DRC3: variants seen among roughly 807,000 people sequenced by gnomAD.
The protein encoded by DRC3 is leucine rich repeat containing 48.
In DRC3, 45 loss-of-function variants were observed where a neutral mutation model predicts 57.6. The observed-to-expected ratio is 0.78, with a 90% confidence interval of 0.62 to 1.00. The LOEUF (loss-of-function observed/expected upper bound fraction) is 1.00, where lower values mean the gene tolerates loss of function less well. Ranked by LOEUF, DRC3 falls within the 50% of genes least tolerant of loss-of-function variation. The probability of loss-of-function intolerance (pLI) is 0.00; values close to 1 mark genes in which losing one functional copy is unlikely to be tolerated. For synonymous variants in DRC3, 257 were observed against 272.3 expected (o/e 0.94, Z 0.55); for missense variants, 655 against 675.2 (o/e 0.97, Z 0.33).
chr17:17,992,653 G>C (rs2043285664), intron 5 of DRC3, 112 bp from the exon 6 acceptor site: 1 of 1,192,408 alleles, frequency 8.4e-7, no homozygotes, highest in Admixed American at 2.2e-5. Flanking sequence ...CCCCAGTGCT[G>C]ATGGTGCTGT....
At chr17:18,012,968 AAAAC>A (rs1228151772) in intron 12 of DRC3, among the ~76,000 whole-genome samples, 6 of 152,314 alleles carry the variant, frequency 3.9e-5, no homozygotes, top group South Asian at 2.1e-4. Context: ...CAATAGCAAA[AAAAC>A]AAACAATTCA....
intron 8 of DRC3, 36 bp downstream of exon 8, chr17:17,995,147 T>C (rs772135761): frequency 6.7e-7 from 1 of 1,502,670 alleles, no homozygotes; most frequent in African/African-American, 1.4e-5. Context: ...TCAGAGCCTC[T>C]GCCACCAGCC....
chr17:17,976,586 C>T (rs2042396688), intron 2 of DRC3, among the ~76,000 whole-genome samples: 1 of 152,196 alleles, frequency 6.6e-6, no homozygotes, highest in South Asian at 2.1e-4. Context: ...GAGGCTGAGG[C>T]AGGAGAATCG....
Position 18,007,121 on chromosome 17 carries a change from G to C in DRC3, c.1300G>C (p.Glu434Gln). 3 of 1,476,074 alleles carry C rather than the reference G, an allele frequency of 2.0e-6. No individual in the cohort carries two copies. Among genetic ancestry groups the C allele is most frequent in the Non-Finnish European group, 2.7e-6 (3 of 1,095,966 alleles). The allele number at this position is 1,476,074 out of a possible 1,614,324, so 91.4% of individuals were successfully genotyped here. Residue 434 changes from glutamate (E) to glutamine (Q), a missense_variant, in exon 12 of 14, where the codon GAG (glutamate) becomes CAG (glutamine). Glu to Gln is a conservative substitution (Grantham distance 29). Transcript: ENST00000399187. ...GAAGATTGTCGAGGGCGACCTGGAC[G>C]AGGACCTGCCTAACGACCTGCGCGC... Reference protein sequence around the residue: ...LEKIVEGDLDEDLPNDLRALF... With the variant: ...LEKIVEGDLDQDLPNDLRALF...
At chr17:17,984,594 CCT>C in intron 4 of DRC3, among the ~76,000 whole-genome samples, 1 of 152,218 alleles carries the variant, frequency 6.6e-6, no homozygotes, top group South Asian at 2.1e-4. Flanking sequence ...CTCCTTATGC[CCT>C]GTCTTGTTTA....
chr17:17,994,115 A>G (rs1217935216), intron 6 of DRC3, 184 bp from the exon 7 acceptor site: 1 of 700,504 alleles, frequency 1.4e-6, no homozygotes, highest in African/African-American at 1.8e-5. Context: ...AAACCTGGTG[A>G]GGGTCATCAG....
At chr17:17,998,713 C>T (rs1259536518) in intron 9 of DRC3, among the ~76,000 whole-genome samples, 6 of 152,160 alleles carry the variant, frequency 3.9e-5, no homozygotes, top group Non-Finnish European at 8.8e-5. Flanking sequence ...GTCTCATTAA[C>T]CTCCAGGGCC....
chr17:17,993,045 A>G (rs779803315), intron 6 of DRC3, 134 bp downstream of exon 6: 12 of 905,178 alleles, frequency 1.3e-5, no homozygotes, highest in East Asian at 7.8e-5. Context: ...CCCTCTTCCT[A>G]ATCCCTTTAC....
chr17:18,015,795 C>G (rs1353121798), intron 12 of DRC3: 1 of 367,678 alleles, frequency 2.7e-6, no homozygotes, highest in Non-Finnish European at 5.1e-6. Flanking sequence ...TGCCTTCACC[C>G]TGGAGGAAAC....
At chr17:17,988,123 C>G in intron 5 of DRC3, 25 bp downstream of exon 5, 1 of 1,608,066 alleles carries the variant, frequency 6.2e-7, no homozygotes, top group East Asian at 2.2e-5. Context: ...AGCCCGCCCT[C>G]ACGCACACCT....
At chr17:17,992,954 T>C in intron 6 of DRC3, 43 bp downstream of exon 6, 2 of 1,607,294 alleles carry the variant, frequency 1.2e-6, no homozygotes, top group Non-Finnish European at 1.7e-6. Context: ...TGAGACAGAT[T>C]CCTCAAGCCC....
rs375038316 is a variant in DRC3 at position 17,997,667 on chromosome 17, C to T, written c.999+33C>T. The T allele has an allele frequency of 2.2e-5, 34 of 1,545,496 alleles. No individual in the cohort carries two copies. In the African/African-American group the frequency reaches 4.7e-4, roughly 21 times the overall value. Reference sequence around the variant, plus strand: ...CCGAGCCTCCTGAGGCCCTCCCTGTCTCCTGCTGTAGGCCCTCCCTGCTCT... The same window carrying T: ...CCGAGCCTCCTGAGGCCCTCCCTGTTTCCTGCTGTAGGCCCTCCCTGCTCT... On this transcript the variant is annotated intron_variant, in intron 9 of 13. Coordinates refer to ENST00000399187, the MANE Select transcript of DRC3 (RefSeq NM_031294.4).
intron 9 of DRC3, 64 bp downstream of exon 9, chr17:17,997,698 C>T: frequency 1.4e-6 from 2 of 1,434,596 alleles, no homozygotes; most frequent in Non-Finnish European, 1.9e-6. Flanking sequence ...GCTCTTGCCA[C>T]TCCCACTGTA....
At chr17:17,977,531 C>T in intron 2 of DRC3, 51 bp from the exon 3 acceptor site, 1 of 1,607,904 alleles carries the variant, frequency 6.2e-7, no homozygotes, top group South Asian at 1.1e-5. Context: ...AGACCCTGCC[C>T]TCAAACAGAG....
intron 4 of DRC3, among the ~76,000 whole-genome samples, chr17:17,986,175 G>A (rs1213397577): frequency 6.6e-6 from 1 of 152,204 alleles, no homozygotes. Flanking sequence ...GCCTCGCAAA[G>A]TGCCGGGATT....
chr17:17,997,599 C>A lies in DRC3; in HGVS notation c.964C>A (p.Arg322Ser), dbSNP rs529789455. ...CCAGGAAAACCAGGAGCAGGGCAAA[C>A]GCAAGATTGCCAAATTCGAGGAGAA... is the stretch of plus-strand genomic sequence containing the variant. The part of the protein sequence containing the change: ...AIQENQEQGK[R>S]KIAKFEEKHL... Residue 322 changes from arginine (R) to serine (S), a missense_variant, in exon 9 of 14, where the codon CGC becomes AGC. Arg to Ser is a moderately radical substitution (Grantham distance 110, BLOSUM62 -1). Coordinates refer to ENST00000399187, the MANE Select transcript of DRC3 (RefSeq NM_031294.4). The A allele has an allele frequency of 5.6e-6, 9 of 1,610,208 alleles. No individual in the cohort carries two copies. Among genetic ancestry groups the A allele is most frequent in the Non-Finnish European group, 7.6e-6 (9 of 1,178,410 alleles).
chr17:17,997,349 C>A, intron 8 of DRC3, 111 bp from the exon 9 acceptor site: 1 of 967,524 alleles, frequency 1.0e-6, no homozygotes, highest in Non-Finnish European at 1.5e-6. Context: ...TTGAGTCTCA[C>A]ACACTGTTGA....
rs190448435 is a variant in DRC3 at position 18,016,362 on chromosome 17, T to G, written c.1458+167T>G. The G allele has an allele frequency of 6.1e-3, 5,386 of 879,566 alleles. 31 individuals carry two copies. The highest frequency in any genetic ancestry group is 8.0e-3 in the Non-Finnish European group (4,576 of 572,190). 54.5% of individuals were successfully genotyped at this position (879,566 alleles called of 1,614,324 possible). ...TGAAGACAACATTGCCCAGAGACTT[T>G]AAAACCCATGGGCTTCATCATTTTC... On this transcript the variant is annotated intron_variant, in intron 13 of 13. Coordinates refer to ENST00000399187, the MANE Select transcript of DRC3 (RefSeq NM_031294.4).
At chr17:17,984,399 T>C (rs559024716) in intron 4 of DRC3, among the ~76,000 whole-genome samples, 4 of 148,992 alleles carry the variant, frequency 2.7e-5, no homozygotes, top group African/African-American at 1.0e-4. Flanking sequence ...TATGGGTCTT[T>C]CAGTTCACAC....
Sources: allele counts gnomAD v4.1 joint callset (sites outside exome capture counted in the v4.1 genomes callset), GRCh38; gene constraint gnomAD v4.1.1; transcripts MANE v1.5; gene names NCBI Gene and HGNC (gene_info 2026-07-23, HGNC 2026-07-21).